The following SEC31A variants were observed in gnomAD, a reference collection of about 807,000 sequenced individuals.
SEC31A encodes the protein SEC31 homolog A, COPII component.
A neutral mutation model predicts 151.0 loss-of-function variants in SEC31A; 70 were observed. The ratio of observed to expected loss-of-function variants is 0.46; its 90% CI spans 0.38 to 0.57. SEC31A has a LOEUF of 0.57. Ranked by LOEUF, SEC31A falls within the 20% of genes least tolerant of loss-of-function variation. The pLI, the probability that SEC31A is intolerant of heterozygous loss-of-function variation, is 0.00. For missense variants in SEC31A, 1,330 were observed against 1,471.2 expected (o/e 0.90, Z 1.57); for synonymous variants, 475 against 505.9 (o/e 0.94, Z 0.82).
At position 82,827,592 on chromosome 4, in the gene SEC31A, G is replaced by A. The variant is rs373848592; in HGVS notation, c.3068C>T (p.Pro1023Leu). ...NFMPPVPITSPIMNPLGDPQS... is the reference protein window; with the variant it reads ...NFMPPVPITSLIMNPLGDPQS... ...GGGGTCACCCAACGGGTTCATGATT[G>A]GTGATGTGATGGGAACAGGAGGCAT... Residue 1023 changes from proline (P) to leucine (L), a missense_variant, in exon 24 of 27, where the codon CCA becomes CTA. Coordinates refer to ENST00000395310, the MANE Select transcript of SEC31A (RefSeq NM_001077207.4). 2.5e-6 allele frequency: 4 copies of A among 1,614,172 alleles called. No homozygotes were observed. The highest frequency in any genetic ancestry group is 1.3e-5 in the African/African-American group (1 of 75,040).
At chr4:82,872,392 T>C (rs1736907771) in intron 6 of SEC31A, among the ~76,000 whole-genome samples, 1 of 152,164 alleles carries the variant, frequency 6.6e-6, no homozygotes, top group Non-Finnish European at 1.5e-5. Flanking sequence ...TTTTACCATG[T>C]TGGCCAGGCT....
intron 26 of SEC31A, 76 bp from the exon 27 acceptor site, chr4:82,819,329 C>A: frequency 9.5e-7 from 1 of 1,051,204 alleles, no homozygotes. Flanking sequence ...AAACATTAAA[C>A]CCAGATATTT....
intron 25 of SEC31A, 73 bp downstream of exon 25, chr4:82,824,482 C>T (rs748972909): frequency 5.3e-5 from 81 of 1,523,548 alleles, no homozygotes; most frequent in Middle Eastern, 3.9e-4. Flanking sequence ...TGGGATTACA[C>T]GCATAAGCCA....
At chr4:82,827,285 T>A in intron 24 of SEC31A, 84 bp downstream of exon 24, 4 of 1,395,054 alleles carry the variant, frequency 2.9e-6, no homozygotes, top group Non-Finnish European at 3.9e-6. Context: ...ATAATAATCA[T>A]GCAATCATAA....
intron 8 of SEC31A, 27 bp downstream of exon 8, chr4:82,870,298 A>G (rs763414116): frequency 2.6e-6 from 4 of 1,556,458 alleles, no homozygotes; most frequent in South Asian, 1.1e-5. Context: ...AAGGGCTACA[A>G]GGTTGAGACA....
In SEC31A at chr4:82,866,778, C is replaced by T. The variant is rs933086802; in HGVS notation, c.1197+30G>A. 6.3e-6 allele frequency: 10 copies of T among 1,589,154 alleles called. No individual in the cohort carries two copies. In the African/African-American group the frequency reaches 1.2e-4, roughly 19 times the overall value. On this transcript the variant is annotated intron_variant, in intron 10 of 26. Coordinates refer to ENST00000395310, the MANE Select transcript of SEC31A (RefSeq NM_001077207.4). ...CTTTGGTATAAAAAGTCCTTTGTGC[C>T]TATGGACCATAAAAACAAAATCCAC...
intron 22 of SEC31A, chr4:82,829,264 GGTAAGATATCT>G: frequency 2.1e-6 from 1 of 476,730 alleles, no homozygotes; most frequent in Non-Finnish European, 3.8e-6. Context: ...TCACTTGGTA[GGTAAGATATCT>G]TGACACTGTT....
At chr4:82,837,979 T>C (rs1727840290) in intron 22 of SEC31A, among the ~76,000 whole-genome samples, 1 of 152,206 alleles carries the variant, frequency 6.6e-6, no homozygotes, top group African/African-American at 2.4e-5. Flanking sequence ...TTGTCAACCA[T>C]ACATCTTTCC....
At chr4:82,830,161 T>C (rs1725593985) in intron 22 of SEC31A, among the ~76,000 whole-genome samples, 1 of 152,202 alleles carries the variant, frequency 6.6e-6, no homozygotes, top group African/African-American at 2.4e-5. Context: ...CTTACTTGTC[T>C]TGATTTTAAA....
At chr4:82,851,263 C>T (rs1731393413) in intron 19 of SEC31A, among the ~76,000 whole-genome samples, 168 bp downstream of exon 19, 1 of 152,178 alleles carries the variant, frequency 6.6e-6, no homozygotes, top group Non-Finnish European at 1.5e-5. Context: ...CTTAGATACA[C>T]CTAAAATGAT....
rs551091435 is a variant in SEC31A at position 82,880,885 on chromosome 4, C to T, written c.117G>A (p.Thr39=). 1.6e-4 allele frequency: 262 copies of T among 1,611,128 alleles called. 3 individuals are homozygous for T. The South Asian group carries it at 2.3e-3, about 14-fold the overall frequency. The change falls in exon 3 of 27, where the codon ACG becomes ACA. Residue 39 remains threonine (T), a synonymous_variant. Transcript: ENST00000395310. ...ATTCAAATATCTCAAGGGAAGCATT[C>T]GTACTAAATGTTGCATCCAATTGCT... is the stretch of plus-strand genomic sequence containing the variant. ...SAQQLDATFS[T]NASLEIFELD...
At chr4:82,881,988 C>A in intron 1 of SEC31A, 48 bp from the exon 2 acceptor site, 1 of 1,373,946 alleles carries the variant, frequency 7.3e-7, no homozygotes, top group South Asian at 1.2e-5. Flanking sequence ...ACTTGAATGT[C>A]TAACACAGAA....
chr4:82,833,723 T>C (rs1310901674), intron 22 of SEC31A, among the ~76,000 whole-genome samples: 1 of 152,106 alleles, frequency 6.6e-6, no homozygotes, highest in Admixed American at 6.6e-5. Flanking sequence ...AATGTCAGTA[T>C]GTCAGACATA....
chr4:82,829,057 AC>A lies in SEC31A; in HGVS notation c.2969del (p.Gly990ValfsTer12). The A allele has an allele frequency of 1.2e-6, 2 of 1,611,664 alleles. No homozygotes were observed. Among genetic ancestry groups the A allele is most frequent in the Non-Finnish European group, 1.7e-6 (2 of 1,177,872 alleles). ...GAGGGTCATTCCAACCATTCTGAGGACCTATAACAGATAACAGAGAATGTTT... is the reference window on the plus strand; with the variant it reads ...GAGGGTCATTCCAACCATTCTGAGGACTATAACAGATAACAGAGAATGTTT... The part of the protein sequence containing the change: ...ASELPASQRT[G>X]PQNGWNDPPA... On this transcript the variant is annotated frameshift_variant and splice_region_variant, in exon 23 of 27. Coordinates refer to ENST00000395310, the MANE Select transcript of SEC31A (RefSeq NM_001077207.4). LOFTEE classifies it high-confidence loss of function.
intron 22 of SEC31A, chr4:82,831,075 A>G (rs1444672311): frequency 1.0e-5 from 3 of 292,604 alleles, no homozygotes; most frequent in Admixed American, 5.3e-5. Flanking sequence ...TAATCCCCAG[A>G]AAGTGTAAAT....
chr4:82,871,602 C>T, intron 7 of SEC31A: 1 of 578,872 alleles, frequency 1.7e-6, no homozygotes, highest in Non-Finnish European at 3.0e-6. Flanking sequence ...ATGGTAAAAC[C>T]CCATCTCTAC....
At chr4:82,874,581 A>G in intron 6 of SEC31A, 30 bp downstream of exon 6, 1 of 1,564,820 alleles carries the variant, frequency 6.4e-7, no homozygotes, top group Non-Finnish European at 8.6e-7. Context: ...GAAATACAAC[A>G]TGTTCATCAC....
chr4:82,856,877 T>C (rs1198743423), intron 16 of SEC31A, 75 bp downstream of exon 16: 1 of 1,219,622 alleles, frequency 8.2e-7, no homozygotes, highest in Non-Finnish European at 1.1e-6. Context: ...GCATTTCAGT[T>C]ATCTATAATA....
intron 26 of SEC31A, 41 bp downstream of exon 26, chr4:82,820,996 G>A: frequency 6.5e-7 from 1 of 1,528,502 alleles, no homozygotes; most frequent in Non-Finnish European, 9.1e-7. Flanking sequence ...TAGCAACTAG[G>A]AATAAATGAT....
Sources: gnomAD v4.1 joint callset for allele counts (sites outside exome capture counted in the v4.1 genomes callset) on GRCh38, gnomAD v4.1.1 for gene constraint, MANE v1.5 for transcripts, NCBI Gene and HGNC (gene_info 2026-07-23, HGNC 2026-07-21) for gene names.